The following ALK variants were observed in gnomAD, a reference collection of about 807,000 sequenced individuals.
ALK encodes the protein ALK tyrosine kinase receptor.
A neutral mutation model predicts 163.1 loss-of-function variants in ALK; 74 were observed. The ratio of observed to expected loss-of-function variants is 0.45; its 90% CI spans 0.38 to 0.55. The LOEUF (loss-of-function observed/expected upper bound fraction) is 0.55, where lower values mean the gene tolerates loss of function less well. ALK is among the 20% of genes least tolerant of loss of function. ALK has a pLI of 0.00. For synonymous variants in ALK, 960 were observed against 843.2 expected (o/e 1.14, Z -2.40); for missense variants, 2,063 against 2,105.3 (o/e 0.98, Z 0.39).
intron 1 of ALK, among the ~76,000 whole-genome samples, chr2:29,749,484 T>C (rs917166826): frequency 1.3e-5 from 2 of 152,156 alleles, no homozygotes; most frequent in African/African-American, 4.8e-5. Flanking sequence ...ATAATAGTTT[T>C]AAATAAATAT....
chr2:29,496,559 T>C (rs1483159549), intron 4 of ALK, among the ~76,000 whole-genome samples: 1 of 151,984 alleles, frequency 6.6e-6, no homozygotes, highest in Admixed American at 6.5e-5. Context: ...AATTTTACAA[T>C]AAATAAAAAA....
chr2:29,493,210 A>G (rs970829595), intron 4 of ALK, among the ~76,000 whole-genome samples: 3 of 152,124 alleles, frequency 2.0e-5, no homozygotes, highest in Non-Finnish European at 4.4e-5. Flanking sequence ...TTTTTCCAAC[A>G]CTGGGATGAA....
chr2:29,843,633 C>A (rs1434909680), intron 1 of ALK, among the ~76,000 whole-genome samples: 1 of 152,072 alleles, frequency 6.6e-6, no homozygotes, highest in Non-Finnish European at 1.5e-5. Context: ...AGAACCCTGG[C>A]CAACAGCTTT....
chr2:29,671,421 A>G (rs1196224350), intron 3 of ALK, among the ~76,000 whole-genome samples: 2 of 152,038 alleles, frequency 1.3e-5, no homozygotes, highest in East Asian at 1.9e-4. Flanking sequence ...TAGAGTTTCC[A>G]TGGCTGGAGA....
intron 12 of ALK, among the ~76,000 whole-genome samples, chr2:29,244,747 C>G (rs1214466124): frequency 6.6e-6 from 1 of 152,262 alleles, no homozygotes; most frequent in Admixed American, 6.5e-5. Context: ...TCCTCCATCT[C>G]TGACATTCCC....
chr2:29,793,150 A>G (rs1664229905), intron 1 of ALK, among the ~76,000 whole-genome samples: 1 of 152,194 alleles, frequency 6.6e-6, no homozygotes, highest in Non-Finnish European at 1.5e-5. Context: ...TGTTCACAGC[A>G]TCTTTACCAG....
intron 4 of ALK, among the ~76,000 whole-genome samples, chr2:29,481,609 G>A (rs1204869827): frequency 6.6e-6 from 1 of 152,178 alleles, no homozygotes; most frequent in African/African-American, 2.4e-5. Context: ...TAGGCCTCAA[G>A]TTTTTCATCT....
At chr2:29,513,444 A>G (rs1358845665) in intron 4 of ALK, among the ~76,000 whole-genome samples, 1 of 147,494 alleles carries the variant, frequency 6.8e-6, no homozygotes, top group Non-Finnish European at 1.5e-5. Flanking sequence ...CTGGCTAGCC[A>G]TATGTAGAAA....
intron 4 of ALK, among the ~76,000 whole-genome samples, chr2:29,488,441 A>T: frequency 6.6e-6 from 1 of 152,178 alleles, no homozygotes; most frequent in Non-Finnish European, 1.5e-5. Flanking sequence ...GCACTGGAGC[A>T]GAACAGCGCT....
At position 29,233,835 on chromosome 2, in the gene ALK, A is replaced by G. The variant is rs1462262766; in HGVS notation, c.2356-139T>C. On this transcript the variant is annotated intron_variant, in intron 13 of 28. Coordinates refer to ENST00000389048, the MANE Select transcript of ALK (RefSeq NM_004304.5). ...AGTTGAGTTGAGGAGGCAGAAAAATATACCAATAACTGTCACTCTGGGCAG... is the reference window on the plus strand; with the variant it reads ...AGTTGAGTTGAGGAGGCAGAAAAATGTACCAATAACTGTCACTCTGGGCAG... The G allele has an allele frequency of 5.6e-6, 6 of 1,064,784 alleles. No individual in the cohort carries two copies. The East Asian group carries it at 1.5e-4, about 26-fold the overall frequency. The allele number at this position is 1,064,784 out of a possible 1,614,324, so 66.0% of individuals were successfully genotyped here. A position where few individuals can be genotyped will look rare whatever the true frequency, so the allele number is the denominator to read the frequency against.
At chr2:29,534,463 G>T (rs1036970676) in intron 3 of ALK, among the ~76,000 whole-genome samples, 1 of 152,102 alleles carries the variant, frequency 6.6e-6, no homozygotes, top group Non-Finnish European at 1.5e-5. Flanking sequence ...ACTCTTTGGG[G>T]GTATGGCCTG....
intron 26 of ALK, among the ~76,000 whole-genome samples, chr2:29,206,776 GGTGTGTGTGTGTGTGT>G (rs3028218): frequency 2.0e-5 from 3 of 150,268 alleles, no homozygotes; most frequent in Admixed American, 6.6e-5. Flanking sequence ...TCCCTTTATT[GGTGTGTGTGTGTGTGT>G]GTGTGTGTAT....
At chr2:29,642,750 C>A (rs1558422275) in intron 3 of ALK, among the ~76,000 whole-genome samples, 1 of 152,106 alleles carries the variant, frequency 6.6e-6, no homozygotes. Flanking sequence ...GCAACAACAA[C>A]AAAAAACCTG....
At chr2:29,593,887 C>T (rs1310590633) in intron 3 of ALK, among the ~76,000 whole-genome samples, 1 of 152,172 alleles carries the variant, frequency 6.6e-6, no homozygotes, top group Non-Finnish European at 1.5e-5. Context: ...GTGACATTTT[C>T]AGGAACTTTG....
intron 4 of ALK, among the ~76,000 whole-genome samples, chr2:29,513,047 T>A: frequency 6.6e-6 from 1 of 151,412 alleles, no homozygotes; most frequent in Admixed American, 6.6e-5. Flanking sequence ...GTAGGAAGAA[T>A]CAATATCGTG....
At chr2:29,552,103 AGTCAAATGAT>A (rs1673729761) in intron 3 of ALK, among the ~76,000 whole-genome samples, 1 of 152,156 alleles carries the variant, frequency 6.6e-6, no homozygotes. Flanking sequence ...GTAAAATTGG[AGTCAAATGAT>A]GTTTGCCCTT....
intron 4 of ALK, among the ~76,000 whole-genome samples, chr2:29,488,373 C>A (rs1030388275): frequency 2.0e-5 from 3 of 152,062 alleles, no homozygotes; most frequent in African/African-American, 4.8e-5. Context: ...AACCCCCAAA[C>A]TGAGACTCAA....
chr2:29,302,287 G>A (rs1279190157), intron 8 of ALK, among the ~76,000 whole-genome samples: 1 of 152,210 alleles, frequency 6.6e-6, no homozygotes, highest in East Asian at 1.9e-4. Flanking sequence ...GGAGGCCGAG[G>A]CAGGTGGATC....
chr2:29,458,230 C>A (rs1330559246), intron 4 of ALK, among the ~76,000 whole-genome samples: 1 of 152,088 alleles, frequency 6.6e-6, no homozygotes, highest in Non-Finnish European at 1.5e-5. Flanking sequence ...ATTTGACAAT[C>A]ATTTCAGGTA....
Sources: allele counts gnomAD v4.1 joint callset (sites outside exome capture counted in the v4.1 genomes callset), GRCh38; gene constraint gnomAD v4.1.1; transcripts MANE v1.5; gene names NCBI Gene and HGNC (gene_info 2026-07-23, HGNC 2026-07-21).